The following PCDH17 variants were observed in gnomAD, a reference collection of about 807,000 sequenced individuals.
The protein encoded by PCDH17 is protocadherin-17.
Under a neutral mutation model 67.7 loss-of-function variants are expected in PCDH17, and 21 were observed. That is an observed-to-expected ratio of 0.31 (90% CI 0.22 to 0.45). The LOEUF (loss-of-function observed/expected upper bound fraction) is 0.45. Among genes scored for constraint, PCDH17 ranks in the 20% least tolerant of loss-of-function variants. The pLI is 1.00. For synonymous variants in PCDH17, 701 were observed against 656.7 expected, an observed-to-expected ratio of 1.07 and a Z score of -1.03; for missense variants, 1,471 against 1,564.8, an observed-to-expected ratio of 0.94 and a Z score of 1.01.
intron 3 of PCDH17, among the ~76,000 whole-genome samples, chr13:57,673,974 A>G (rs1174127812): frequency 6.6e-6 from 1 of 151,956 alleles, no homozygotes; most frequent in African/African-American, 2.4e-5. Flanking sequence ...CTGCCCCCAC[A>G]GTTTACCTAA....
intron 3 of PCDH17, among the ~76,000 whole-genome samples, chr13:57,694,121 A>T (rs531330057): frequency 1.3e-5 from 2 of 151,204 alleles, no homozygotes; most frequent in Non-Finnish European, 3.0e-5. Context: ...GATTTGGCAA[A>T]GTTGAGTATT....
At chr13:57,696,019 T>G (rs1207648933) in intron 3 of PCDH17, among the ~76,000 whole-genome samples, 1 of 151,396 alleles carries the variant, frequency 6.6e-6, no homozygotes, top group Admixed American at 6.6e-5. Flanking sequence ...AATCCAGAAC[T>G]GTTAGCAGTG....
chr13:57,668,693 C>T (rs369913658), intron 3 of PCDH17, among the ~76,000 whole-genome samples: 20 of 151,716 alleles, frequency 1.3e-4, no homozygotes, highest in East Asian at 5.8e-4. Flanking sequence ...AATAATATTG[C>T]GCAGGAAATA....
chr13:57,668,614 A>T (rs1213739609), intron 3 of PCDH17, among the ~76,000 whole-genome samples: 1 of 152,104 alleles, frequency 6.6e-6, no homozygotes, highest in Non-Finnish European at 1.5e-5. Context: ...CAATTTTGAT[A>T]TTGAAAATTG....
chr13:57,669,891 C>G (rs1955299322), intron 3 of PCDH17, among the ~76,000 whole-genome samples: 1 of 151,806 alleles, frequency 6.6e-6, no homozygotes, highest in South Asian at 2.1e-4. Context: ...TGTGTGCAAA[C>G]CAAGGGGGAG....
chr13:57,658,005 A>C (rs1009787784), intron 1 of PCDH17, among the ~76,000 whole-genome samples: 1 of 152,164 alleles, frequency 6.6e-6, no homozygotes, highest in African/African-American at 2.4e-5. Flanking sequence ...AGAATTAAAA[A>C]TGTCTTCGTC....
At chr13:57,642,674 G>T (rs539821832) in intron 1 of PCDH17, among the ~76,000 whole-genome samples, 6 of 151,100 alleles carry the variant, frequency 4.0e-5, no homozygotes, top group African/African-American at 1.5e-4. Flanking sequence ...CAATGATTTG[G>T]TTTTTTGCGT....
At chr13:57,694,651 T>G (rs1955589847) in intron 3 of PCDH17, among the ~76,000 whole-genome samples, 1 of 151,290 alleles carries the variant, frequency 6.6e-6, no homozygotes, top group Non-Finnish European at 1.5e-5. Context: ...TGTTTTCATT[T>G]TTTTAATACT....
intron 3 of PCDH17, chr13:57,709,771 T>C (rs1374583566): frequency 6.6e-6 from 1 of 152,334 alleles, no homozygotes; most frequent in African/African-American, 2.4e-5. Context: ...TTTCTTCATC[T>C]GCTAGCTTTC....
intron 3 of PCDH17, among the ~76,000 whole-genome samples, chr13:57,700,224 T>A (rs1357575502): frequency 6.6e-6 from 1 of 152,090 alleles, no homozygotes; most frequent in African/African-American, 2.4e-5. Flanking sequence ...TTCAATTTTC[T>A]TACCTGAAAA....
rs574159057 is a variant in PCDH17 at position 57,690,431 on chromosome 13, T to C, written c.2797+23598T>C. On this transcript the variant is annotated intron_variant, in intron 3 of 3. Coordinates refer to ENST00000377918, the MANE Select transcript of PCDH17 (RefSeq NM_001040429.3). ...TATCATCTTACTGTAATAAAGAGTGTAGGAGATTATATTCAAAGGTTCTTT... is the reference window on the plus strand; with the variant it reads ...TATCATCTTACTGTAATAAAGAGTGCAGGAGATTATATTCAAAGGTTCTTT... Among the ~76,000 whole-genome samples the C allele has an allele frequency of 5.3e-5, 8 of 151,736 alleles. No homozygotes were observed. In the East Asian group the frequency reaches 9.7e-4, roughly 18 times the overall value.
intron 1 of PCDH17, among the ~76,000 whole-genome samples, chr13:57,659,581 TA>T (rs1381094951): frequency 2.0e-5 from 3 of 152,186 alleles, no homozygotes; most frequent in African/African-American, 7.2e-5. Flanking sequence ...AATACTCTTA[TA>T]TTATCTTAAT....
intron 3 of PCDH17, among the ~76,000 whole-genome samples, chr13:57,713,360 C>A (rs1451075155): frequency 6.6e-6 from 1 of 151,688 alleles, no homozygotes; most frequent in Non-Finnish European, 1.5e-5. Flanking sequence ...GGATAAAACA[C>A]ATCAGCTTCC....
intron 1 of PCDH17, among the ~76,000 whole-genome samples, chr13:57,644,478 G>A (rs1461754986): frequency 1.3e-5 from 2 of 151,380 alleles, no homozygotes; most frequent in African/African-American, 4.8e-5. Flanking sequence ...TGCGTGCCCA[G>A]TTCCCCATCT....
chr13:57,692,044 A>G (rs545913885), intron 3 of PCDH17, among the ~76,000 whole-genome samples: 1 of 151,268 alleles, frequency 6.6e-6, no homozygotes, highest in Non-Finnish European at 1.5e-5. Flanking sequence ...TAAAATGCTT[A>G]TAAAATCAGG....
chr13:57,658,753 G>A (rs1387531422), intron 1 of PCDH17, among the ~76,000 whole-genome samples: 1 of 150,312 alleles, frequency 6.7e-6, no homozygotes, highest in Non-Finnish European at 1.5e-5. Context: ...ATGCTAACGG[G>A]TTTTTCGTTT....
intron 3 of PCDH17, among the ~76,000 whole-genome samples, chr13:57,675,745 T>C (rs1011820524): frequency 1.3e-5 from 2 of 151,918 alleles, no homozygotes; most frequent in African/African-American, 2.4e-5. Flanking sequence ...GGGAGGTGGC[T>C]GGAAGCCCAG....
At chr13:57,652,656 G>C (rs1029465714) in intron 1 of PCDH17, among the ~76,000 whole-genome samples, 1 of 152,076 alleles carries the variant, frequency 6.6e-6, no homozygotes, top group African/African-American at 2.4e-5. Flanking sequence ...TTAGAAATTT[G>C]GATGCGTACA....
intron 3 of PCDH17, among the ~76,000 whole-genome samples, chr13:57,677,826 CAT>C (rs1311686877): frequency 1.3e-5 from 2 of 151,818 alleles, no homozygotes; most frequent in African/African-American, 4.8e-5. Flanking sequence ...TGATCTCACT[CAT>C]GTGGTGGAAT....
Sources: gnomAD v4.1 joint callset for allele counts (sites outside exome capture counted in the v4.1 genomes callset) on GRCh38, gnomAD v4.1.1 for gene constraint, MANE v1.5 for transcripts, NCBI Gene and HGNC (gene_info 2026-07-23, HGNC 2026-07-21) for gene names.